The following SEL1L variants were observed in gnomAD, a reference collection of about 807,000 sequenced individuals.
The protein encoded by SEL1L is protein sel-1 homolog 1.
A neutral mutation model predicts 109.8 loss-of-function variants in SEL1L; 52 were observed. The observed-to-expected ratio is 0.47, with a 90% CI of 0.38 to 0.60. The LOEUF is 0.60. SEL1L is among the 20% of genes least tolerant of loss of function. SEL1L has a pLI of 0.00. For missense variants in SEL1L, 749 were observed against 962.2 expected (o/e 0.78, Z 2.93); for synonymous variants, 373 against 339.6 (o/e 1.10, Z -1.08).
intron 8 of SEL1L, chr14:81,499,147 C>G: frequency 9.3e-7 from 1 of 1,069,574 alleles, no homozygotes; most frequent in Non-Finnish European, 1.1e-6. Context: ...TTATGATAAT[C>G]TAATGTAAAA....
chr14:81,508,141 T>C (rs533284074), intron 3 of SEL1L, among the ~76,000 whole-genome samples: 1 of 152,162 alleles, frequency 6.6e-6, no homozygotes, highest in Non-Finnish European at 1.5e-5. Context: ...GTATCCCTTC[T>C]ATCTTTCCAG....
At chr14:81,494,174 C>CCT (rs1281426668) in intron 11 of SEL1L, among the ~76,000 whole-genome samples, 11 of 152,332 alleles carry the variant, frequency 7.2e-5, no homozygotes, top group African/African-American at 2.6e-4. Flanking sequence ...TGCTTCTCCT[C>CCT]CAGCAACTCA....
intron 6 of SEL1L, among the ~76,000 whole-genome samples, chr14:81,502,022 G>C (rs1884032637): frequency 6.6e-6 from 1 of 151,372 alleles, no homozygotes; most frequent in African/African-American, 2.4e-5. Flanking sequence ...CCAAATGTAA[G>C]GTAGAGTCCT....
intron 19 of SEL1L, 110 bp downstream of exon 19, chr14:81,484,115 G>C (rs1903445658): frequency 8.9e-7 from 1 of 1,117,896 alleles, no homozygotes; most frequent in Non-Finnish European, 1.3e-6. Context: ...CCATAATTTA[G>C]TGGCCTGAAA....
chr14:81,498,999 G>A, intron 8 of SEL1L: 1 of 511,718 alleles, frequency 2.0e-6, no homozygotes, highest in Non-Finnish European at 2.5e-6. Context: ...GAGCTCTCTG[G>A]AGTCATTCTG....
Position 81,494,245 on chromosome 14 carries a change from A to AT in SEL1L, c.1185+835dup, listed in dbSNP as rs547184091. On this transcript the variant is annotated intron_variant, in intron 11 of 20. Coordinates refer to ENST00000336735, the MANE Select transcript of SEL1L (RefSeq NM_005065.6). Reference sequence around the variant, plus strand: ...TTAAGATATCAGCTCCCCTTCACTTATATCCCATCCATCCCTAAGGCCTGT... The same window carrying AT: ...TTAAGATATCAGCTCCCCTTCACTTATTATCCCATCCATCCCTAAGGCCTGT... 1.1e-3 allele frequency among the ~76,000 whole-genome samples: 173 copies of AT among 152,218 alleles called. 1 individual carries two copies. Among genetic ancestry groups the AT allele is most frequent in the African/African-American group, 4.0e-3 (167 of 41,550 alleles).
At chr14:81,501,128 C>T (rs1382594429) in intron 6 of SEL1L, among the ~76,000 whole-genome samples, 1 of 152,106 alleles carries the variant, frequency 6.6e-6, no homozygotes, top group Non-Finnish European at 1.5e-5. Flanking sequence ...ATGGAAGCCC[C>T]GTGTAGCAAT....
chr14:81,506,521 C>T lies in SEL1L; in HGVS notation c.341-280G>A, dbSNP rs1172684013. 4.6e-5 allele frequency among the ~76,000 whole-genome samples: 7 copies of T among 152,250 alleles called. No individual in the cohort carries two copies. In the East Asian group the frequency reaches 1.2e-3, roughly 25 times the overall value. On this transcript the variant is annotated intron_variant, in intron 3 of 20. Coordinates refer to ENST00000336735, the MANE Select transcript of SEL1L (RefSeq NM_005065.6). ...AGAATATTAAAGGTCTACTGTAAAA[C>T]TCCTGCCCAAAAAGTAAGCAAAAAA...
chr14:81,511,277 T>C (rs1385430720), intron 3 of SEL1L, among the ~76,000 whole-genome samples: 1 of 152,226 alleles, frequency 6.6e-6, no homozygotes, highest in East Asian at 1.9e-4. Flanking sequence ...CTCAGCTCTT[T>C]CTGTGAGAAG....
At chr14:81,527,438 T>TACACACACACACACACACACACAC (rs67777470) in intron 2 of SEL1L, among the ~76,000 whole-genome samples, 1 of 146,664 alleles carries the variant, frequency 6.8e-6, no homozygotes, top group Non-Finnish European at 1.5e-5. Context: ...TCTTCAAACT[T>TACACACACACACACACACACACAC]ACACACACAC....
chr14:81,495,091 T>C lies in SEL1L; in HGVS notation c.1175A>G (p.Gln392Arg), dbSNP rs760396098. The C allele has an allele frequency of 2.6e-5, 42 of 1,613,914 alleles. No homozygotes were observed. The highest frequency in any genetic ancestry group is 3.6e-5 in the Non-Finnish European group (42 of 1,179,970). ...LHLHGGRGVE[Q>R]NHQRAFDYFN... Reference sequence around the variant, plus strand: ...GAACAGGGTAGTTACCTGATGATTCTGTTCTACTCCACGCCCTCCGTGCAG... The same window carrying C: ...GAACAGGGTAGTTACCTGATGATTCCGTTCTACTCCACGCCCTCCGTGCAG... Residue 392 changes from glutamine to arginine, a missense_variant, in exon 11 of 21, where the codon CAG (glutamine) becomes CGG (arginine). Around this residue, in one of 2 missense-constraint regions of SEL1L, gnomAD observed 383 missense variants for 562.5 expected, o/e 0.68. Transcript: ENST00000336735.
chr14:81,525,459 A>G (rs569805121), intron 3 of SEL1L, among the ~76,000 whole-genome samples: 2 of 150,474 alleles, frequency 1.3e-5, no homozygotes, highest in South Asian at 4.2e-4. Context: ...AAAAATGAAG[A>G]ATGAATTAAA....
At chr14:81,484,661 C>T (rs1903464659) in intron 18 of SEL1L, 3 of 282,170 alleles carry the variant, frequency 1.1e-5, no homozygotes, top group Non-Finnish European at 2.0e-5. Context: ...TTTAATATCC[C>T]TAATTCAAAA....
In SEL1L at chr14:81,504,204, CT is replaced by C; in HGVS notation, c.610del (p.Arg204GlufsTer13). 7 of 1,583,598 alleles carry C rather than the reference CT, an allele frequency of 4.4e-6. No individual in the cohort carries two copies. The highest frequency in any genetic ancestry group is 2.7e-5 in the African/African-American group (2 of 73,560). On this transcript the variant is annotated frameshift_variant, in exon 5 of 21. Transcript: ENST00000336735. LOFTEE classifies it high-confidence loss of function. ...TGGACTTAGCAGTGCTACCTACTCT[CT>C]TTTTTGGCTTTTCTTATTGCTTCCA... is the stretch of plus-strand genomic sequence containing the variant. ...LNGSNKKSQK[R>X]EAYRYLQKAA...
At chr14:81,519,020 T>TA (rs375055904) in intron 3 of SEL1L, among the ~76,000 whole-genome samples, 124 of 152,328 alleles carry the variant, frequency 8.1e-4, no homozygotes, top group African/African-American at 2.9e-3. Context: ...ATCCTACAGA[T>TA]AAGAGTGGCT....
chr14:81,499,902 GCTT>G (rs1883931406), intron 6 of SEL1L, among the ~76,000 whole-genome samples: 1 of 142,616 alleles, frequency 7.0e-6, no homozygotes, highest in Non-Finnish European at 1.5e-5. Flanking sequence ...TTTATTTGTG[GCTT>G]TTTTTTTTTT....
rs1360730897 is a variant in SEL1L at position 81,527,178 on chromosome 14, C to T, written c.109-214G>A. On this transcript the variant is annotated intron_variant, in intron 2 of 20. Coordinates refer to ENST00000336735, the MANE Select transcript of SEL1L (RefSeq NM_005065.6). ...TTGAATTTCAACTTAGATGTTACTT[C>T]CCCCAGAAGCCTTCCTTAATTCCCA... Among the ~76,000 whole-genome samples, 6 of 152,216 alleles carry T rather than the reference C, an allele frequency of 3.9e-5. No homozygotes were observed. In the East Asian group the frequency reaches 1.2e-3, roughly 29 times the overall value.
chr14:81,485,773 T>A, intron 17 of SEL1L, 27 bp from the exon 18 acceptor site: 1 of 1,602,076 alleles, frequency 6.2e-7, no homozygotes, highest in Non-Finnish European at 8.5e-7. Flanking sequence ...GAAATACAAA[T>A]CAGGCATTTA....
chr14:81,510,505 T>C (rs1433912196), intron 3 of SEL1L, among the ~76,000 whole-genome samples: 2 of 133,904 alleles, frequency 1.5e-5, no homozygotes, highest in Non-Finnish European at 3.3e-5. Context: ...TCTCTCTCTC[T>C]CTCTCTCTCT....
Sources: allele counts gnomAD v4.1 joint callset (sites outside exome capture counted in the v4.1 genomes callset), GRCh38; gene constraint gnomAD v4.1.1; regional missense constraint gnomAD v4.1.1; transcripts MANE v1.5; gene names NCBI Gene and HGNC (gene_info 2026-07-23, HGNC 2026-07-21).